Variants in MYH14 observed in about 807,000 individuals in gnomAD.
MYH14 encodes myosin heavy chain 14, also known as myosin-14.
A neutral mutation model predicts 255.5 loss-of-function variants in MYH14; 123 were observed. The observed-to-expected ratio is 0.48, with a 90% confidence interval of 0.42 to 0.56. The LOEUF (loss-of-function observed/expected upper bound fraction) is 0.56, where lower values mean the gene tolerates loss of function less well. Ranked by LOEUF, MYH14 falls within the 20% of genes least tolerant of loss-of-function variation. The probability of loss-of-function intolerance (pLI) is 0.00; values close to 1 mark genes in which losing one functional copy is unlikely to be tolerated. For synonymous variants in MYH14, 1,095 were observed against 1,161.2 expected (o/e 0.94, Z 1.16); for missense variants, 2,423 against 2,802.3 (o/e 0.86, Z 3.06).
Position 50,210,659 on chromosome 19 carries a change from C to G in MYH14, c.294C>G (p.Arg98=). 6.4e-7 allele frequency: 1 copy of G among 1,571,142 alleles called. No individual in the cohort carries two copies. Among genetic ancestry groups the G allele is most frequent in the Non-Finnish European group, 8.6e-7 (1 of 1,159,762 alleles). ...GACTGCCGCGGGACCAGATCCAGCGCATGAACCCGCCCAAGTTCAGCAAGG... is the reference window on the plus strand; with the variant it reads ...GACTGCCGCGGGACCAGATCCAGCGGATGAACCCGCCCAAGTTCAGCAAGG... ...RLRLPRDQIQ[R]MNPPKFSKAE... The change falls in exon 2 of 43, where the codon CGC becomes CGG. Residue 98 remains arginine (R), a synonymous_variant. Transcript: ENST00000642316.
intron 21 of MYH14, among the ~76,000 whole-genome samples, chr19:50,262,132 G>A (rs1568513272): frequency 6.6e-6 from 1 of 152,156 alleles, no homozygotes; most frequent in African/African-American, 2.4e-5. Flanking sequence ...CACCGGACAA[G>A]CAGGTGGATG....
intron 10 of MYH14, among the ~76,000 whole-genome samples, chr19:50,237,830 G>C (rs564337577): frequency 7.2e-5 from 11 of 152,336 alleles, no homozygotes; most frequent in Non-Finnish European, 1.6e-4. Flanking sequence ...CTTACAAGGA[G>C]TGGAGTTAGT....
At position 50,296,746 on chromosome 19, in the gene MYH14, T is replaced by C. The variant is rs113565295; in HGVS notation, c.5469+3059T>C. 1.2e-3 allele frequency among the ~76,000 whole-genome samples: 190 copies of C among 152,372 alleles called. 1 individual carries two copies. Among genetic ancestry groups the C allele is most frequent in the African/African-American group, 4.1e-3 (170 of 41,596 alleles). On this transcript the variant is annotated intron_variant, in intron 39 of 42. Coordinates refer to ENST00000642316, the MANE Select transcript of MYH14 (RefSeq NM_001145809.2). Reference sequence around the variant, plus strand: ...ATTAGCAGGAAAGATAGTATAGTTATGTCAAGAGCACGTAGAAGTCAACGT... The same window carrying C: ...ATTAGCAGGAAAGATAGTATAGTTACGTCAAGAGCACGTAGAAGTCAACGT...
intron 10 of MYH14, among the ~76,000 whole-genome samples, chr19:50,235,146 T>C (rs2123251626): frequency 6.6e-6 from 1 of 151,536 alleles, no homozygotes; most frequent in South Asian, 2.1e-4. Flanking sequence ...CCGACTGAGG[T>C]CAGGAGTTCG....
chr19:50,309,790 AC>A lies in MYH14; in HGVS notation c.*3del, dbSNP rs768153073. On this transcript the variant is annotated 3_prime_UTR_variant, in exon 43 of 43. Transcript: ENST00000642316. ...GGTCCCCACCAGCCCACCCCCAGTGACCCTACCCTGTCCCCAGATGCACTAA... is the reference window on the plus strand; with the variant it reads ...GGTCCCCACCAGCCCACCCCCAGTGACCTACCCTGTCCCCAGATGCACTAA... The A allele has an allele frequency of 9.0e-7, 1 of 1,114,858 alleles. No homozygotes were observed. Among genetic ancestry groups the A allele is most frequent in the Non-Finnish European group, 1.3e-6 (1 of 776,288 alleles). The allele number at this position is 1,114,858 out of a possible 1,614,324, so 69.1% of individuals were successfully genotyped here. A position where few individuals can be genotyped will look rare whatever the true frequency, so the allele number is the denominator to read the frequency against.
chr19:50,241,532 G>C (rs779201991), intron 10 of MYH14, among the ~76,000 whole-genome samples: 6 of 152,140 alleles, frequency 3.9e-5, no homozygotes, highest in Non-Finnish European at 5.9e-5. Context: ...TGCTGTCAGG[G>C]GAGAGTGTTC....
At position 50,250,257 on chromosome 19, in the gene MYH14, C is replaced by T. The variant is rs982464811; in HGVS notation, c.1657-258C>T. Among the ~76,000 whole-genome samples, 9 of 152,116 alleles carry T rather than the reference C, an allele frequency of 5.9e-5. No individual in the cohort carries two copies. The highest frequency in any genetic ancestry group is 1.7e-4 in the African/African-American group (7 of 41,434). On this transcript the variant is annotated intron_variant, in intron 14 of 42. Transcript: ENST00000642316. The surrounding 1 kb of genome is among the most constrained non-coding windows in gnomAD (Gnocchi z 5.4). ...CTGGGACTACAGGTGCCCGCCACCACGCCCGGCTAATTTTTTGTATTTTTA... is the reference window on the plus strand; with the variant it reads ...CTGGGACTACAGGTGCCCGCCACCATGCCCGGCTAATTTTTTGTATTTTTA...
At chr19:50,299,589 A>G (rs1488463495) in intron 39 of MYH14, among the ~76,000 whole-genome samples, 4 of 150,266 alleles carry the variant, frequency 2.7e-5, no homozygotes, top group Non-Finnish European at 5.9e-5. Flanking sequence ...AAAAAAAAAA[A>G]AAAAAATTTT....
At chr19:50,233,444 C>A (rs1465205891) in intron 10 of MYH14, among the ~76,000 whole-genome samples, 1 of 152,010 alleles carries the variant, frequency 6.6e-6, no homozygotes, top group African/African-American at 2.4e-5. Flanking sequence ...TGCTGGGATT[C>A]CAGGCGTGAG....
At chr19:50,235,431 C>G (rs1424401331) in intron 10 of MYH14, among the ~76,000 whole-genome samples, 1 of 151,864 alleles carries the variant, frequency 6.6e-6, no homozygotes, top group Non-Finnish European at 1.5e-5. Flanking sequence ...ACTAGAGACC[C>G]CCCTGGACCC....
rs1020147649 is a variant in MYH14, at chr19:50,290,821, C to A, written c.4966-66C>A. 4 of 1,508,358 alleles carry A rather than the reference C, an allele frequency of 2.7e-6. No individual in the cohort carries two copies. In the African/African-American group the frequency reaches 4.2e-5, roughly 16 times the overall value. 93.4% of individuals were successfully genotyped at this position (1,508,358 alleles called of 1,614,324 possible). Reference sequence around the variant, plus strand: ...GGAGCTCCAGGGCAGACATCCATGTCCCTAGCACACAGAGGGAGGCTGGGC... The same window carrying A: ...GGAGCTCCAGGGCAGACATCCATGTACCTAGCACACAGAGGGAGGCTGGGC... On this transcript the variant is annotated intron_variant, in intron 35 of 42. Transcript: ENST00000642316.
At chr19:50,265,139 A>G (rs1421021957) in intron 22 of MYH14, among the ~76,000 whole-genome samples, 2 of 152,222 alleles carry the variant, frequency 1.3e-5, no homozygotes, top group African/African-American at 2.4e-5. Context: ...TGTGGGCCAG[A>G]TGGCTGTTTT....
chr19:50,281,150 C>T (rs780470290), intron 32 of MYH14, among the ~76,000 whole-genome samples: 9 of 152,186 alleles, frequency 5.9e-5, no homozygotes, highest in Non-Finnish European at 8.8e-5. Flanking sequence ...ATGGTACGTG[C>T]CTGCAGATAT....
At chr19:50,307,407 A>G (rs1486655479) in intron 41 of MYH14, among the ~76,000 whole-genome samples, 2 of 152,164 alleles carry the variant, frequency 1.3e-5, no homozygotes, top group Non-Finnish European at 2.9e-5. Context: ...AGGGCAAGGG[A>G]AGAAGTTAAA....
rs2033309753 is a variant in MYH14, at chr19:50,230,321, A to G, written c.875-204A>G. 6.6e-6 allele frequency among the ~76,000 whole-genome samples: 1 copy of G among 152,182 alleles called. No homozygotes were observed. The highest frequency in any genetic ancestry group is 2.4e-5 in the African/African-American group (1 of 41,454). On this transcript the variant is annotated intron_variant, in intron 8 of 42. Coordinates refer to ENST00000642316, the MANE Select transcript of MYH14 (RefSeq NM_001145809.2). The surrounding 1 kb of genome is among the most constrained non-coding windows in gnomAD (Gnocchi z 4.7). ...ATTTTCAAGCCCCTTGAACAGGTAG[A>G]TGAGGAAACTGAGGCACAAGTGCTT...
At chr19:50,294,155 A>C (rs78668713) in intron 39 of MYH14, among the ~76,000 whole-genome samples, 4 of 152,150 alleles carry the variant, frequency 2.6e-5, no homozygotes, top group Non-Finnish European at 5.9e-5. Context: ...GATGGTTAAT[A>C]CTAAGCCTCT....
At chr19:50,249,241 T>G (rs997125459) in intron 13 of MYH14, 102 bp downstream of exon 13, 84 of 1,113,178 alleles carry the variant, frequency 7.5e-5, no homozygotes, top group Non-Finnish European at 1.0e-4. Context: ...TCTGTCCCCC[T>G]CTCTCTCTCT....
chr19:50,283,791 G>T (rs2035799069), intron 33 of MYH14, among the ~76,000 whole-genome samples: 1 of 152,112 alleles, frequency 6.6e-6, no homozygotes, highest in Admixed American at 6.6e-5. Flanking sequence ...TTCTTTATGG[G>T]CCGGGCACGG....
In MYH14 at chr19:50,306,291, A is replaced by T. The variant is rs540896819; in HGVS notation, c.5679-758A>T. On this transcript the variant is annotated intron_variant, in intron 40 of 42. Coordinates refer to ENST00000642316, the MANE Select transcript of MYH14 (RefSeq NM_001145809.2). ...GTGAAACTCTGTCTCAAAAAAAAAG[A>T]AGTCTCTCTCCTTCATCCTTTTCCA... Among the ~76,000 whole-genome samples the T allele has an allele frequency of 2.6e-5, 4 of 152,270 alleles. No individual in the cohort carries two copies. The East Asian group carries it at 5.8e-4, about 22-fold the overall frequency.
Sources: gnomAD v4.1 joint callset for allele counts (sites outside exome capture counted in the v4.1 genomes callset) on GRCh38, gnomAD v4.1.1 for gene constraint, Gnocchi (gnomAD v3.1) non-coding constraint, MANE v1.5 for transcripts, NCBI Gene and HGNC (gene_info 2026-07-23, HGNC 2026-07-21) for gene names.